Variants in ZNF280D observed in about 807,000 individuals in gnomAD.
The protein encoded by ZNF280D is zinc finger protein 280D.
ZNF280D carries 39 observed loss-of-function variants against 94.7 expected under a neutral mutation model. That is an observed-to-expected ratio of 0.41 (90% confidence interval 0.32 to 0.54). ZNF280D has a LOEUF of 0.54. ZNF280D is among the 20% of genes least tolerant of loss of function. ZNF280D has a pLI of 0.22. For missense variants in ZNF280D, 1,090 were observed against 1,149.3 expected (o/e 0.95, Z 0.75); for synonymous variants, 398 against 377.6 (o/e 1.05, Z -0.63).
At chr15:56,650,624 T>C (rs1265722199) in intron 19 of ZNF280D, among the ~76,000 whole-genome samples, 1 of 152,196 alleles carries the variant, frequency 6.6e-6, no homozygotes, top group African/African-American at 2.4e-5. Flanking sequence ...TTAAGTAGCC[T>C]AGTTTAGCAA....
At chr15:56,652,674 G>A in intron 19 of ZNF280D, 1 of 985,226 alleles carries the variant, frequency 1.0e-6, no homozygotes, top group South Asian at 4.7e-5. Flanking sequence ...TAATGGCTAA[G>A]TAGACATTAC....
chr15:56,660,524 G>A (rs930724669), intron 16 of ZNF280D, among the ~76,000 whole-genome samples: 3 of 151,778 alleles, frequency 2.0e-5, no homozygotes, highest in African/African-American at 7.3e-5. Context: ...ATCACAGGAA[G>A]GGAAAAGTGA....
chr15:56,682,575 C>T (rs1596482588), intron 9 of ZNF280D, 98 bp from the exon 10 acceptor site: 1 of 714,332 alleles, frequency 1.4e-6, no homozygotes, highest in East Asian at 3.2e-5. Context: ...AAGGCCAGAC[C>T]ATTAAAACTA....
intron 16 of ZNF280D, among the ~76,000 whole-genome samples, chr15:56,659,862 G>A (rs895870469): frequency 1.3e-5 from 2 of 151,006 alleles, no homozygotes; most frequent in African/African-American, 4.9e-5. Context: ...CAGATACAAG[G>A]TAATTGTCCC....
intron 1 of ZNF280D, among the ~76,000 whole-genome samples, chr15:56,731,915 G>A (rs2058911843): frequency 6.6e-6 from 1 of 152,200 alleles, no homozygotes; most frequent in African/African-American, 2.4e-5. Context: ...GTGCACACCT[G>A]TAATCCCAGC....
chr15:56,651,562 G>T (rs1250795440), intron 19 of ZNF280D, among the ~76,000 whole-genome samples: 1 of 152,134 alleles, frequency 6.6e-6, no homozygotes, highest in East Asian at 1.9e-4. Context: ...AAAAGTCTAT[G>T]TAAGACCACA....
chr15:56,665,732 G>A (rs1183383728), intron 16 of ZNF280D, among the ~76,000 whole-genome samples: 5 of 143,564 alleles, frequency 3.5e-5, no homozygotes, highest in Non-Finnish European at 7.6e-5. Context: ...GGAGGATGAC[G>A]CTCATGAGAT....
chr15:56,718,277 C>T (rs931318933), intron 1 of ZNF280D, among the ~76,000 whole-genome samples: 18 of 151,844 alleles, frequency 1.2e-4, no homozygotes, highest in Admixed American at 2.0e-4. Flanking sequence ...ACACTGAGAA[C>T]AAAAGTCTTG....
At chr15:56,689,971 A>C (rs550134636) in intron 7 of ZNF280D, among the ~76,000 whole-genome samples, 1 of 152,090 alleles carries the variant, frequency 6.6e-6, no homozygotes, top group Non-Finnish European at 1.5e-5. Context: ...CCTACCTAAC[A>C]AACTGAAGAG....
intron 9 of ZNF280D, among the ~76,000 whole-genome samples, chr15:56,688,046 T>C (rs1318846781): frequency 6.6e-6 from 1 of 152,100 alleles, no homozygotes; most frequent in African/African-American, 2.4e-5. Context: ...ATCTCTTTTC[T>C]CCCTTCCTGT....
intron 3 of ZNF280D, among the ~76,000 whole-genome samples, chr15:56,705,339 A>G (rs546249480): frequency 9.2e-5 from 14 of 152,312 alleles, no homozygotes; most frequent in African/African-American, 3.1e-4. Context: ...TGTGTGTCTC[A>G]GAGCGATTAT....
chr15:56,732,732 C>A (rs6493884), intron 1 of ZNF280D: 152,135 of 152,310 alleles, frequency 1, 75,981 homozygotes, highest in Middle Eastern at 1. Context: ...TTAAAACTTG[C>A]GATAAGTTGG....
At chr15:56,674,455 G>A (rs961137227) in intron 13 of ZNF280D, among the ~76,000 whole-genome samples, 44 of 152,112 alleles carry the variant, frequency 2.9e-4, no homozygotes, top group Middle Eastern at 6.8e-3. Context: ...TGGGAGACTT[G>A]AGAGATTTAC....
At chr15:56,676,330 G>A (rs2055231079) in intron 13 of ZNF280D, among the ~76,000 whole-genome samples, 1 of 152,104 alleles carries the variant, frequency 6.6e-6, no homozygotes, top group South Asian at 2.1e-4. Context: ...CCTTTGTCCT[G>A]ATAACTCCCT....
chr15:56,731,954 G>C (rs967627439), intron 1 of ZNF280D, among the ~76,000 whole-genome samples: 1 of 152,160 alleles, frequency 6.6e-6, no homozygotes, highest in East Asian at 1.9e-4. Flanking sequence ...AGGTCAGCTT[G>C]AGCCCAGGAG....
chr15:56,698,446 C>T (rs761157728), intron 6 of ZNF280D: 1 of 152,138 alleles, frequency 6.6e-6, no homozygotes, highest in Admixed American at 6.5e-5. Flanking sequence ...AGAAATATTA[C>T]TATCAATTAT....
intron 9 of ZNF280D, among the ~76,000 whole-genome samples, chr15:56,687,127 T>C (rs2056078515): frequency 6.6e-6 from 1 of 152,110 alleles, no homozygotes; most frequent in African/African-American, 2.4e-5. Context: ...ATTTAAACTT[T>C]CCCTTCCTAG....
At chr15:56,650,396 C>T (rs1314280052) in intron 19 of ZNF280D, among the ~76,000 whole-genome samples, 1 of 152,050 alleles carries the variant, frequency 6.6e-6, no homozygotes, top group Non-Finnish European at 1.5e-5. Flanking sequence ...ATTTTCAACT[C>T]GATTTCACAG....
intron 6 of ZNF280D, chr15:56,698,654 C>G (rs1209746440): frequency 6.6e-6 from 1 of 152,132 alleles, no homozygotes; most frequent in Non-Finnish European, 1.5e-5. Context: ...ACCAATAGAA[C>G]ACAACAAAGG....
Sources: allele counts gnomAD v4.1 joint callset (sites outside exome capture counted in the v4.1 genomes callset), GRCh38; gene constraint gnomAD v4.1.1; transcripts MANE v1.5; gene names NCBI Gene and HGNC (gene_info 2026-07-23, HGNC 2026-07-21).